The following SYNPO variants were observed in gnomAD, a reference collection of about 807,000 sequenced individuals.
SYNPO encodes synaptopodin.
In SYNPO, 19 loss-of-function variants were observed where a neutral mutation model predicts 49.5. The ratio of observed to expected loss-of-function variants is 0.38; its 90% CI spans 0.27 to 0.56. The LOEUF (loss-of-function observed/expected upper bound fraction) is 0.56, where lower values mean the gene tolerates loss of function less well. Among genes scored for constraint, SYNPO ranks in the 20% least tolerant of loss-of-function variants. The pLI is 0.68. For missense variants in SYNPO, 1,131 were observed against 1,248.3 expected (o/e 0.91, Z 1.42); for synonymous variants, 536 against 548.0 (o/e 0.98, Z 0.31).
upstream of SYNPO, among the ~76,000 whole-genome samples, chr5:150,597,773 G>A (rs149697505): frequency 3.2e-3 from 483 of 152,230 alleles, 3 homozygotes; most frequent in Middle Eastern, 0.01. Context: ...TGAGTAGCTG[G>A]CACTACAGGC....
chr5:150,652,051 T>G, intron 2 of SYNPO: 1 of 1,000,568 alleles, frequency 1.0e-6, no homozygotes, highest in African/African-American at 1.7e-5. Flanking sequence ...GCCTGCAGTT[T>G]TTGTGAGCTC....
rs1757878313 is a variant in SYNPO at position 150,640,865 on chromosome 5, TG to T, written c.-333+12del. The T allele has an allele frequency of 2.0e-6, 2 of 985,426 alleles. No individual in the cohort carries two copies. Among genetic ancestry groups the T allele is most frequent in the South Asian group, 9.4e-5 (2 of 21,286 alleles). 61.0% of individuals were successfully genotyped at this position (985,426 alleles called of 1,614,324 possible). A position where few individuals can be genotyped will look rare whatever the true frequency, so the allele number is the denominator to read the frequency against. On this transcript the variant is annotated intron_variant, in intron 1 of 2. Transcript: ENST00000307662. ...GGAGGACCTAGCAGAGTGAGTAAGA[TG>T]AGCACCCGGAGGTGCCTTTGTGGCT...
At chr5:150,612,177 C>T (rs752458984) in intron 1 of SYNPO, among the ~76,000 whole-genome samples, 2 of 152,228 alleles carry the variant, frequency 1.3e-5, no homozygotes, top group African/African-American at 2.4e-5. Context: ...ATAGACCAGA[C>T]AGTTCCCCTA....
At chr5:150,644,669 C>T (rs541104720) in intron 1 of SYNPO, among the ~76,000 whole-genome samples, 26 of 152,172 alleles carry the variant, frequency 1.7e-4, no homozygotes, top group Non-Finnish European at 2.6e-4. Context: ...CAAGGTCACA[C>T]GGCTAGCAAA....
chr5:150,596,097 C>G (rs1756420334), upstream of SYNPO, among the ~76,000 whole-genome samples: 1 of 152,336 alleles, frequency 6.6e-6, no homozygotes, highest in Non-Finnish European at 1.5e-5. Context: ...GCAAATAAAA[C>G]ACAGCTCTCT....
the SYNPO span, among the ~76,000 whole-genome samples, chr5:150,587,033 T>A: frequency 1.3e-5 from 2 of 152,224 alleles, no homozygotes; most frequent in Non-Finnish European, 1.5e-5. Flanking sequence ...GATGGATATG[T>A]GGATGCATAT....
chr5:150,628,666 T>C (rs1757440903), intron 2 of SYNPO, among the ~76,000 whole-genome samples: 1 of 152,194 alleles, frequency 6.6e-6, no homozygotes, highest in South Asian at 2.1e-4. Flanking sequence ...CCCAGCACTT[T>C]GGGAGGCCAA....
At chr5:150,624,055 C>T (rs540176058) in intron 2 of SYNPO, among the ~76,000 whole-genome samples, 7 of 152,190 alleles carry the variant, frequency 4.6e-5, no homozygotes, top group Middle Eastern at 3.2e-3. Context: ...CATGGGGCTT[C>T]GCACGCTCAA....
intron 2 of SYNPO, among the ~76,000 whole-genome samples, chr5:150,626,937 C>T (rs943975996): frequency 1.8e-4 from 27 of 152,174 alleles, no homozygotes; most frequent in African/African-American, 6.5e-4. Flanking sequence ...CTTCTCTCCA[C>T]CCCTAGTCAC....
intron 2 of SYNPO, chr5:150,624,771 G>A: frequency 1.2e-6 from 1 of 847,654 alleles, no homozygotes; most frequent in African/African-American, 1.8e-5. Context: ...GCGAGGAGGG[G>A]GCGTCGGGCG....
chr5:150,600,859 T>C (rs1295661044), upstream of SYNPO, among the ~76,000 whole-genome samples: 2 of 152,116 alleles, frequency 1.3e-5, no homozygotes, highest in East Asian at 3.9e-4. Flanking sequence ...CTGATGTGTG[T>C]GTTTGTCAAG....
chr5:150,618,836 G>C, intron 2 of SYNPO: 1 of 1,527,752 alleles, frequency 6.5e-7, no homozygotes, highest in East Asian at 2.5e-5. Flanking sequence ...TTAGTACAAG[G>C]GCTCCTGACC....
intron 2 of SYNPO, chr5:150,650,964 C>T (rs1179234820): frequency 2.4e-6 from 3 of 1,254,172 alleles, no homozygotes; most frequent in East Asian, 6.2e-5. Context: ...TGGCTGCGGA[C>T]TCGGCCCACC....
chr5:150,607,442 G>A (rs983481934), intron 1 of SYNPO, among the ~76,000 whole-genome samples: 7 of 152,164 alleles, frequency 4.6e-5, no homozygotes, highest in Admixed American at 6.5e-5. Flanking sequence ...GTGACACGGA[G>A]CTCAGTACCT....
At chr5:150,609,730 C>T (rs933843917) in intron 1 of SYNPO, among the ~76,000 whole-genome samples, 3 of 147,966 alleles carry the variant, frequency 2.0e-5, no homozygotes, top group Non-Finnish European at 3.0e-5. Flanking sequence ...TCATAGTATC[C>T]GTCTCAGTCT....
chr5:150,651,084 T>C (rs1758363725), intron 2 of SYNPO: 3 of 1,135,796 alleles, frequency 2.6e-6, no homozygotes, highest in South Asian at 8.9e-5. Context: ...CTGTCACCGC[T>C]CTAGGGGTGG....
upstream of SYNPO, among the ~76,000 whole-genome samples, chr5:150,639,533 A>T (rs896983332): frequency 2.0e-5 from 3 of 152,170 alleles, no homozygotes; most frequent in African/African-American, 7.2e-5. Flanking sequence ...TTCAGAAGGA[A>T]GGCGTCCAGG....
intron 2 of SYNPO, among the ~76,000 whole-genome samples, chr5:150,654,844 G>A (rs1012991037): frequency 6.6e-6 from 1 of 152,208 alleles, no homozygotes; most frequent in South Asian, 2.1e-4. Flanking sequence ...AATAATAGTC[G>A]GCCAGGCGCG....
chr5:150,656,790 A>G lies in SYNPO; in HGVS notation c.2415A>G (p.Pro805=), dbSNP rs1205399823. ...CCCCGCCCCCGCGCATGCGCTCGCC[A>G]CAGCCCGCCCGCCCCGGCTCGGCTG... is the stretch of plus-strand genomic sequence containing the variant. ...PPPPPPRMRS[P]QPARPGSAAV... is the part of the protein sequence containing the mutation. The change falls in exon 3 of 3, where the codon CCA becomes CCG. Residue 805 remains proline, a synonymous_variant. Transcript: ENST00000307662. 6 of 1,151,986 alleles carry G rather than the reference A, an allele frequency of 5.2e-6. No individual in the cohort carries two copies. The highest frequency in any genetic ancestry group is 6.5e-6 in the Non-Finnish European group (6 of 924,128). 71.4% of individuals were successfully genotyped at this position (1,151,986 alleles called of 1,614,324 possible).
Sources: allele counts gnomAD v4.1 joint callset (sites outside exome capture counted in the v4.1 genomes callset), GRCh38; gene constraint gnomAD v4.1.1; transcripts MANE v1.5; gene names NCBI Gene and HGNC (gene_info 2026-07-23, HGNC 2026-07-21).